Variants in OGFOD3 observed in about 807,000 individuals in gnomAD.
OGFOD3 encodes 2-oxoglutarate and iron dependent oxygenase domain containing 3.
Under a neutral mutation model 39.8 loss-of-function variants are expected in OGFOD3, and 35 were observed. That is an observed-to-expected ratio of 0.88 (90% CI 0.67 to 1.17). OGFOD3 has a LOEUF of 1.17. Among genes scored for constraint, OGFOD3 ranks in the 50% most tolerant of loss-of-function variants. The pLI, the probability that OGFOD3 is intolerant of heterozygous loss-of-function variation, is 0.00. For synonymous variants in OGFOD3, 200 were observed against 192.0 expected, an observed-to-expected ratio of 1.04 and a Z score of -0.34; for missense variants, 438 against 454.5, an observed-to-expected ratio of 0.96 and a Z score of 0.33.
chr17:82,405,216 G>A (rs777207701), intron 6 of OGFOD3, 108 bp downstream of exon 6: 1 of 924,638 alleles, frequency 1.1e-6, no homozygotes, highest in Non-Finnish European at 1.7e-6. Context: ...GCCTGGCCCT[G>A]GCCCCTGGGC....
chr17:82,416,676 ATTT>A (rs200889655), intron 1 of OGFOD3, among the ~76,000 whole-genome samples: 10 of 114,762 alleles, frequency 8.7e-5, no homozygotes, highest in African/African-American at 4.1e-4. Context: ...TTTATTTATT[ATTT>A]TTTTTTTTGA....
In OGFOD3 at chr17:82,398,336, G is replaced by A; in HGVS notation, c.700-17C>T. ...GTAGGTCACCTGAGGGCAGAGCCGG[G>A]AGGAGGGGGCAGAATGGGCTCTCAG... On this transcript the variant is annotated splice_polypyrimidine_tract_variant and intron_variant, in intron 7 of 8. Transcript: ENST00000313056. 2 of 1,614,004 alleles carry A rather than the reference G, an allele frequency of 1.2e-6. No homozygotes were observed. Among genetic ancestry groups the A allele is most frequent in the Non-Finnish European group, 1.7e-6 (2 of 1,179,922 alleles).
rs116299518 is a variant in OGFOD3 at position 82,409,220 on chromosome 17, C to T, written c.423+148G>A. 831 of 729,288 alleles carry T rather than the reference C, an allele frequency of 1.1e-3. 8 individuals are homozygous for T. In the African/African-American group the frequency reaches 0.013, roughly 11 times the overall value. The allele number at this position is 729,288 out of a possible 1,614,324, so 45.2% of individuals were successfully genotyped here. On this transcript the variant is annotated intron_variant, in intron 4 of 8. Transcript: ENST00000313056. ...GGGTTTCAGTCAGGCGCAGCTGCTG[C>T]GGCTGGTGCTGAGAAACACCACGGC...
chr17:82,411,599 G>C (rs2052944372), intron 2 of OGFOD3, 69 bp from the exon 3 acceptor site: 2 of 1,297,024 alleles, frequency 1.5e-6, no homozygotes, highest in South Asian at 2.4e-5. Flanking sequence ...CAGGGAATCA[G>C]GGCCAGAACT....
At chr17:82,398,684 C>T (rs1261699407) in intron 7 of OGFOD3, among the ~76,000 whole-genome samples, 1 of 151,804 alleles carries the variant, frequency 6.6e-6, no homozygotes, top group Non-Finnish European at 1.5e-5. Context: ...CGGGCATGAG[C>T]CACTGAACCC....
intron 2 of OGFOD3, among the ~76,000 whole-genome samples, chr17:82,413,370 C>G (rs375075572): frequency 6.6e-6 from 1 of 152,138 alleles, no homozygotes; most frequent in African/African-American, 2.4e-5. Context: ...AAAGCACAGA[C>G]GCTGCTGGGT....
chr17:82,390,713 C>A lies in OGFOD3; in HGVS notation c.*1685G>T, dbSNP rs142923671. The A allele has an allele frequency of 1.7e-3, 337 of 202,868 alleles. 1 individual carries two copies. The highest frequency in any genetic ancestry group is 0.012 in the Middle Eastern group (5 of 428). 12.6% of individuals were successfully genotyped at this position (202,868 alleles called of 1,614,324 possible). A position where few individuals can be genotyped will look rare whatever the true frequency, so the allele number is the denominator to read the frequency against. On this transcript the variant is annotated 3_prime_UTR_variant, in exon 9 of 9. Transcript: ENST00000313056. This position sits in a 1 kb window ranked among gnomAD's most constrained non-coding sequence, Gnocchi z 4.9. ...GCAAACCAAGGTGCGGCCCCCAAGT[C>A]CCCCGTACCCAGGGGTCACCATGCC...
chr17:82,398,644 C>T (rs2052716199), intron 7 of OGFOD3, among the ~76,000 whole-genome samples: 1 of 152,030 alleles, frequency 6.6e-6, no homozygotes, highest in African/African-American at 2.4e-5. Context: ...GGTGATCCAC[C>T]CACCTTGGCC....
intron 3 of OGFOD3, among the ~76,000 whole-genome samples, 161 bp downstream of exon 3, chr17:82,411,294 G>A (rs532612917): frequency 2.0e-5 from 3 of 152,274 alleles, no homozygotes; most frequent in Admixed American, 6.5e-5. Flanking sequence ...CAATCTGCCC[G>A]CCTCAGCCTC....
intron 3 of OGFOD3, 45 bp downstream of exon 3, chr17:82,411,410 C>T (rs370568413): frequency 3.9e-6 from 6 of 1,555,096 alleles, no homozygotes; most frequent in Non-Finnish European, 5.3e-6. Context: ...CCCCACTCCG[C>T]GTGTGTTTGT....
chr17:82,409,919 G>A (rs1026283720), intron 3 of OGFOD3, among the ~76,000 whole-genome samples: 4 of 152,154 alleles, frequency 2.6e-5, no homozygotes, highest in Admixed American at 6.5e-5. Context: ...GAGAGAGAGA[G>A]AGAGAGAGAG....
intron 1 of OGFOD3, among the ~76,000 whole-genome samples, chr17:82,416,449 G>T (rs2053038465): frequency 6.6e-6 from 1 of 152,070 alleles, no homozygotes; most frequent in African/African-American, 2.4e-5. Context: ...GTTGTTTCCA[G>T]GGTGGGGCGG....
intron 7 of OGFOD3, among the ~76,000 whole-genome samples, chr17:82,399,353 G>A (rs548082348): frequency 2.0e-5 from 3 of 152,310 alleles, no homozygotes; most frequent in East Asian, 1.9e-4. Flanking sequence ...ATGGTCCCCC[G>A]GTGCCAGCCT....
chr17:82,398,427 T>A, intron 7 of OGFOD3, 108 bp from the exon 8 acceptor site: 1 of 1,342,928 alleles, frequency 7.4e-7, no homozygotes, highest in Non-Finnish European at 1.0e-6. Context: ...TGAGACAGAG[T>A]CTTGCTCCAT....
chr17:82,400,986 A>G (rs8071761), intron 7 of OGFOD3: 36,506 of 152,056 alleles, frequency 0.24, 4,757 homozygotes, highest in South Asian at 0.44. Context: ...GAAGGCCAGT[A>G]AGTGCCGTGC....
In OGFOD3 at chr17:82,392,748, G is replaced by T; in HGVS notation, c.824-214C>A. On this transcript the variant is annotated intron_variant, in intron 8 of 8. Transcript: ENST00000313056. This position sits in a 1 kb window ranked among gnomAD's most constrained non-coding sequence, Gnocchi z 4.2. ...CTCAGGGGCCCTGTGGCGGAGGAGG[G>T]GCCCCCCGGGGCCAGCAGGGACTCT... is the stretch of plus-strand genomic sequence containing the variant. 1 of 602,626 alleles carries T rather than the reference G, an allele frequency of 1.7e-6. No individual in the cohort carries two copies. The highest frequency in any genetic ancestry group is 2.9e-6 in the Non-Finnish European group (1 of 349,126). The allele number at this position is 602,626 out of a possible 1,614,324, so 37.3% of individuals were successfully genotyped here.
intron 8 of OGFOD3, among the ~76,000 whole-genome samples, chr17:82,395,181 G>A (rs1227260691): frequency 6.6e-6 from 1 of 152,090 alleles, no homozygotes; most frequent in Non-Finnish European, 1.5e-5. Flanking sequence ...ATAGGTGCAC[G>A]CCACCACACC....
At position 82,415,199 on chromosome 17, in the gene OGFOD3, A is replaced by G. The variant is rs918322055; in HGVS notation, c.304+199T>C. On this transcript the variant is annotated intron_variant, in intron 2 of 8. Coordinates refer to ENST00000313056, the MANE Select transcript of OGFOD3 (RefSeq NM_024648.3). The surrounding 1 kb of genome is among the most constrained non-coding windows in gnomAD (Gnocchi z 5.3). The stretch of plus-strand genomic sequence containing the variant: ...GACCGCACAGCTTACTAAAACGCCA[A>G]CCGTGGCCGGGCAGTGATGGGCAGG... 8.5e-5 allele frequency among the ~76,000 whole-genome samples: 13 copies of G among 152,238 alleles called. No homozygotes were observed. The East Asian group carries it at 2.5e-3, about 29-fold the overall frequency.
intron 7 of OGFOD3, among the ~76,000 whole-genome samples, chr17:82,398,705 T>C (rs933406145): frequency 1.3e-5 from 2 of 151,756 alleles, no homozygotes; most frequent in Non-Finnish European, 2.9e-5. Context: ...AGCCTCTTTT[T>C]TTTTTTAATA....
Sources: allele counts gnomAD v4.1 joint callset (sites outside exome capture counted in the v4.1 genomes callset), GRCh38; gene constraint gnomAD v4.1.1; non-coding constraint Gnocchi (gnomAD v3.1); transcripts MANE v1.5; gene names NCBI Gene and HGNC (gene_info 2026-07-23, HGNC 2026-07-21).